Variants in UBR1 observed in about 807,000 individuals in gnomAD.
UBR1 encodes the protein E3 ubiquitin-protein ligase UBR1.
A neutral mutation model predicts 242.1 loss-of-function variants in UBR1; 102 were observed. The observed-to-expected ratio is 0.42, with a 90% confidence interval of 0.36 to 0.50. The LOEUF is 0.50. Among genes scored for constraint, UBR1 ranks in the 20% least tolerant of loss-of-function variants. UBR1 has a pLI of 0.01. For synonymous variants in UBR1, 675 were observed against 684.8 expected, an observed-to-expected ratio of 0.99 and a Z score of 0.22; for missense variants, 1,772 against 2,101.8, an observed-to-expected ratio of 0.84 and a Z score of 3.07.
At chr15:43,040,910 T>G (rs554910899) in intron 15 of UBR1, among the ~76,000 whole-genome samples, 1 of 152,090 alleles carries the variant, frequency 6.6e-6, no homozygotes, top group Non-Finnish European at 1.5e-5. Flanking sequence ...CTCACACCAG[T>G]TAGAATGGCG....
At position 42,963,922 on chromosome 15, in the gene UBR1, A is replaced by C; in HGVS notation, c.4700+13T>G. On this transcript the variant is annotated intron_variant, in intron 42 of 46. Transcript: ENST00000290650. ...TATAATAACCCAACAACAATATTTT[A>C]TCCCCATAGTACCTCTGGAGCAAGG... is the stretch of plus-strand genomic sequence containing the variant. 1 of 1,551,764 alleles carries C rather than the reference A, an allele frequency of 6.4e-7. No individual in the cohort carries two copies. Among genetic ancestry groups the C allele is most frequent in the South Asian group, 1.1e-5 (1 of 89,756 alleles).
At chr15:43,083,197 C>T (rs543645688) in intron 2 of UBR1, among the ~76,000 whole-genome samples, 46 of 152,164 alleles carry the variant, frequency 3.0e-4, no homozygotes, top group Non-Finnish European at 5.9e-4. Context: ...TGAAGTGTCC[C>T]GAACACCTGC....
chr15:43,015,809 G>A lies in UBR1; in HGVS notation c.3088C>T (p.Arg1030Cys), dbSNP rs1330542956. The A allele has an allele frequency of 5.6e-6, 9 of 1,614,136 alleles. No homozygotes were observed. The highest frequency in any genetic ancestry group is 1.7e-4 in the Middle Eastern group (1 of 6,058). ...KRKAEAARLH[R>C]QKIMAQMSAL... ...GACATCTGAGCCATGATCTTCTGGCGATGTAGCCTAGCAGCTTCAGCTTTT... is the reference window on the plus strand; with the variant it reads ...GACATCTGAGCCATGATCTTCTGGCAATGTAGCCTAGCAGCTTCAGCTTTT... The change falls in exon 29 of 47, where the codon CGC becomes TGC. Residue 1030 changes from arginine (R) to cysteine (C), a missense_variant. Transcript: ENST00000290650.
In UBR1 at chr15:43,075,052, CCA is replaced by C. The variant is rs773670408; in HGVS notation, c.453_454del (p.Cys151TrpfsTer16). On this transcript the variant is annotated frameshift_variant, in exon 4 of 47. Coordinates refer to ENST00000290650, the MANE Select transcript of UBR1 (RefSeq NM_174916.3). LOFTEE classifies it high-confidence loss of function. ...GCCAGTTTTCCATGCCTCTGTGTCT[CCA>C]CAGTCACAGAACCCTCCTCCAGTAG... 6.2e-7 allele frequency: 1 copy of C among 1,614,040 alleles called. No homozygotes were observed. The highest frequency in any genetic ancestry group is 1.3e-5 in the African/African-American group (1 of 75,026).
At chr15:43,018,381 CATTCATTA>C (rs568336606) in intron 27 of UBR1, among the ~76,000 whole-genome samples, 9 of 152,152 alleles carry the variant, frequency 5.9e-5, no homozygotes, top group Non-Finnish European at 1.2e-4. Flanking sequence ...AGCATGAATG[CATTCATTA>C]ATTCATTAAT....
intron 43 of UBR1, among the ~76,000 whole-genome samples, chr15:42,958,523 G>A (rs1015977505): frequency 2.0e-4 from 30 of 152,108 alleles, no homozygotes; most frequent in Admixed American, 1.8e-3. Context: ...ATCAAATCAG[G>A]TTCTGGGGAA....
rs1311071387 is a variant in UBR1 at position 42,984,931 on chromosome 15, C to T, written c.4009G>A (p.Gly1337Arg). 6.2e-7 allele frequency: 1 copy of T among 1,608,972 alleles called. No homozygotes were observed. The highest frequency in any genetic ancestry group is 8.5e-7 in the Non-Finnish European group (1 of 1,176,770). Residue 1337 changes from glycine (G) to arginine (R), a missense_variant, in exon 36 of 47, where the codon GGA becomes AGA. By Grantham distance (125) the Gly-to-Arg change is moderately radical (BLOSUM62 -2). This residue lies in a region of UBR1 where 965 missense variants were observed against 1,079.7 expected (regional missense o/e 0.89). Transcript: ENST00000290650. ...FTIQAIENLLGDEGKPLFGAL... is the reference protein window; with the variant it reads ...FTIQAIENLLRDEGKPLFGAL... ...CCAAACAGAGGTTTTCCTTCATCTC[C>T]CAATAGATTTTCTCAAAGAATAAAA...
chr15:42,973,242 C>T (rs1018933215), intron 39 of UBR1, among the ~76,000 whole-genome samples: 2 of 152,192 alleles, frequency 1.3e-5, no homozygotes, highest in African/African-American at 4.8e-5. Context: ...AAGCAATCTT[C>T]CTGCCTTAGC....
chr15:43,038,360 G>C, intron 15 of UBR1, 128 bp from the exon 16 acceptor site: 2 of 850,512 alleles, frequency 2.4e-6, no homozygotes, highest in Non-Finnish European at 3.9e-6. Context: ...TGTAATCTCA[G>C]CACTTTGGGA....
At chr15:43,001,880 A>G (rs1451160980) in intron 32 of UBR1, among the ~76,000 whole-genome samples, 1 of 152,212 alleles carries the variant, frequency 6.6e-6, no homozygotes, top group Admixed American at 6.5e-5. Flanking sequence ...TAAAAATAAT[A>G]CAAAGATCAT....
chr15:43,104,635 A>G (rs531516402), intron 1 of UBR1, among the ~76,000 whole-genome samples: 2 of 152,030 alleles, frequency 1.3e-5, no homozygotes, highest in African/African-American at 2.4e-5. Flanking sequence ...GAGTTGACTC[A>G]TGCCGTAGCT....
At position 42,988,864 on chromosome 15, in the gene UBR1, G is replaced by A. The variant is rs552698480; in HGVS notation, c.3952C>T (p.Pro1318Ser). ...GCGCAGGTGCTCCAGGTCAGCATGG[G>A]GACTCGAGGATCCCTTTCATCAGGT... ...VPPDERDPRV[P>S]MLTWSTCAFT... The change falls in exon 35 of 47, where the codon CCC becomes TCC. Residue 1318 changes from proline to serine, a missense_variant. By Grantham distance (74) the Pro-to-Ser change is moderately conservative. Coordinates refer to ENST00000290650, the MANE Select transcript of UBR1 (RefSeq NM_174916.3). 3.1e-6 allele frequency: 5 copies of A among 1,613,976 alleles called. No homozygotes were observed. In the African/African-American group the frequency reaches 5.3e-5, roughly 17 times the overall value.
rs2033496606 is a variant in UBR1 at position 43,047,175 on chromosome 15, A to G, written c.1654T>C (p.Trp552Arg). Residue 552 changes from tryptophan (W) to arginine (R), a missense_variant, in exon 14 of 47, where the codon TGG (tryptophan) becomes CGG (arginine). Trp to Arg is a moderately radical substitution (Grantham distance 101). Around this residue, in one of 3 missense-constraint regions of UBR1, gnomAD observed 734 missense variants for 893.3 expected, o/e 0.82. Transcript: ENST00000290650. The part of the protein sequence containing the change: ...LKNILLMFQE[W>R]CACDEELLLV... ...ATTTTACTTACATCACAAGCACACC[A>G]CTCTTGGAACATGAGTAAAATATTC... 1 of 1,613,970 alleles carries G rather than the reference A, an allele frequency of 6.2e-7. No homozygotes were observed. Among genetic ancestry groups the G allele is most frequent in the Non-Finnish European group, 8.5e-7 (1 of 1,179,984 alleles).
intron 46 of UBR1, 92 bp downstream of exon 46, chr15:42,950,170 C>A (rs976337349): frequency 4.2e-6 from 5 of 1,178,002 alleles, no homozygotes; most frequent in Non-Finnish European, 6.4e-6. Flanking sequence ...AGAACTATTA[C>A]CGTTTACATA....
At chr15:43,072,112 A>C (rs997283538) in intron 4 of UBR1, among the ~76,000 whole-genome samples, 1 of 152,202 alleles carries the variant, frequency 6.6e-6, no homozygotes, top group African/African-American at 2.4e-5. Context: ...TCAGCCTCCC[A>C]AAGTGCTGGG....
At chr15:42,996,260 T>C (rs2032636924) in intron 33 of UBR1, among the ~76,000 whole-genome samples, 4 of 152,180 alleles carry the variant, frequency 2.6e-5, no homozygotes, top group African/African-American at 9.7e-5. Context: ...CTGCGTAACA[T>C]GCACACATAT....
At position 43,024,964 on chromosome 15, in the gene UBR1, A is replaced by C; in HGVS notation, c.2604T>G (p.Pro868=). 6.2e-7 allele frequency: 1 copy of C among 1,614,166 alleles called. No individual in the cohort carries two copies. The highest frequency in any genetic ancestry group is 8.5e-7 in the Non-Finnish European group (1 of 1,180,020). ...TGCTGAAAGCAGGGCAGAATTCAGG[A>C]GGTGGTGGTGGCGGCAATGCTATAG... ...NKDEALPPPP[P]PEFCPAFSKV... Residue 868 remains proline, a synonymous_variant, in exon 25 of 47, where the codon CCT becomes CCG. Transcript: ENST00000290650.
chr15:42,983,856 A>G lies in UBR1; in HGVS notation c.4150+41T>C. 2 of 1,198,674 alleles carry G rather than the reference A, an allele frequency of 1.7e-6. 1 individual carries two copies. The highest frequency in any genetic ancestry group is 2.3e-6 in the Non-Finnish European group (2 of 887,826). 74.3% of individuals were successfully genotyped at this position (1,198,674 alleles called of 1,614,324 possible). ...AGAAATGCAATAGAAAAAGATATAT[A>G]AATAATATAATACATAATAATAGTT... is the stretch of plus-strand genomic sequence containing the variant. On this transcript the variant is annotated intron_variant, in intron 37 of 46. Transcript: ENST00000290650.
At chr15:43,104,543 C>T (rs1400655635) in intron 1 of UBR1, among the ~76,000 whole-genome samples, 1 of 152,140 alleles carries the variant, frequency 6.6e-6, no homozygotes, top group Non-Finnish European at 1.5e-5. Flanking sequence ...ACGGCAAGCA[C>T]TGACATAGTC....
Sources: gnomAD v4.1 joint callset for allele counts (sites outside exome capture counted in the v4.1 genomes callset) on GRCh38, gnomAD v4.1.1 for gene constraint, gnomAD v4.1.1 regional missense constraint, MANE v1.5 for transcripts, NCBI Gene and HGNC (gene_info 2026-07-23, HGNC 2026-07-21) for gene names.